Variants in SLC25A13 observed in about 807,000 individuals in gnomAD.
SLC25A13 encodes electrogenic aspartate/glutamate antiporter SLC25A13, mitochondrial.
Under a neutral mutation model 85.5 loss-of-function variants are expected in SLC25A13, and 70 were observed. The ratio of observed to expected loss-of-function variants is 0.82; its 90% confidence interval spans 0.68 to 1.00. The LOEUF is 1.00. Among genes scored for constraint, SLC25A13 ranks in the 50% least tolerant of loss-of-function variants. The pLI is 0.00. For missense variants in SLC25A13, 765 were observed against 819.8 expected (o/e 0.93, Z 0.82); for synonymous variants, 259 against 288.7 (o/e 0.90, Z 1.04).
At chr7:96,173,880 CAGG>C (rs1271707068) in intron 11 of SLC25A13, among the ~76,000 whole-genome samples, 2 of 152,168 alleles carry the variant, frequency 1.3e-5, no homozygotes, top group Non-Finnish European at 2.9e-5. Context: ...ATGCCTTCTC[CAGG>C]AGGATGACTG....
At chr7:96,158,954 T>C (rs932662877) in intron 13 of SLC25A13, among the ~76,000 whole-genome samples, 1 of 152,230 alleles carries the variant, frequency 6.6e-6, no homozygotes, top group Non-Finnish European at 1.5e-5. Context: ...ACTATTATTG[T>C]ATGCAGAGCT....
intron 5 of SLC25A13, among the ~76,000 whole-genome samples, chr7:96,196,250 C>T (rs1232919530): frequency 6.6e-6 from 1 of 152,188 alleles, no homozygotes; most frequent in Non-Finnish European, 1.5e-5. Flanking sequence ...TGAACAGTCT[C>T]CTTTGAATTA....
rs1794836508 is a variant in SLC25A13, at chr7:96,191,238, C to A, written c.625G>T (p.Gly209Cys). Residue 209 changes from glycine to cysteine, a missense_variant, in exon 7 of 18, where the codon GGT becomes TGT. By Grantham distance (159) the Gly-to-Cys change is radical. Coordinates refer to ENST00000265631, the MANE Select transcript of SLC25A13 (RefSeq NM_014251.3). ...AAACTAACTTGATGGGATGTGGTAC[C>A]TCCAGCAGCCTCAAATAAATTGAAA... The part of the protein sequence containing the change: ...VEECLVAAAG[G>C]TTSHQVSFSY... The A allele has an allele frequency of 6.2e-7, 1 of 1,613,724 alleles. No individual in the cohort carries two copies. Among genetic ancestry groups the A allele is most frequent in the Non-Finnish European group, 8.5e-7 (1 of 1,179,902 alleles).
chr7:96,181,160 C>T (rs1051945690), intron 11 of SLC25A13, among the ~76,000 whole-genome samples: 3 of 152,212 alleles, frequency 2.0e-5, no homozygotes, highest in African/African-American at 7.2e-5. Flanking sequence ...GAGCCAGACT[C>T]ATGGGATTTT....
chr7:96,189,246 A>G, intron 9 of SLC25A13, 48 bp downstream of exon 9: 2 of 1,524,188 alleles, frequency 1.3e-6, no homozygotes, highest in East Asian at 2.3e-5. Flanking sequence ...GGGTTGGGGT[A>G]TCCTGCTAAG....
At chr7:96,230,945 C>G (rs527274843) in intron 4 of SLC25A13, among the ~76,000 whole-genome samples, 1 of 152,234 alleles carries the variant, frequency 6.6e-6, no homozygotes, top group African/African-American at 2.4e-5. Flanking sequence ...CCTGTCTCTA[C>G]TGAAAAATAC....
chr7:96,132,422 A>G (rs1214413969), intron 14 of SLC25A13, among the ~76,000 whole-genome samples: 1 of 152,214 alleles, frequency 6.6e-6, no homozygotes, highest in Non-Finnish European at 1.5e-5. Context: ...TAATTTTATT[A>G]TATACTTACT....
intron 5 of SLC25A13, among the ~76,000 whole-genome samples, chr7:96,208,427 A>G (rs1374346095): frequency 6.6e-6 from 1 of 152,170 alleles, no homozygotes; most frequent in African/African-American, 2.4e-5. Flanking sequence ...AGTATGTAGT[A>G]AGTAAATCAC....
intron 4 of SLC25A13, among the ~76,000 whole-genome samples, chr7:96,217,841 TA>T (rs1188613212): frequency 3.4e-5 from 5 of 148,168 alleles, no homozygotes; most frequent in Non-Finnish European, 5.9e-5. Context: ...GTGAATATAT[TA>T]AAAACCATTG....
intron 1 of SLC25A13, among the ~76,000 whole-genome samples, chr7:96,316,862 T>A (rs1800145058): frequency 6.6e-6 from 1 of 152,160 alleles, no homozygotes; most frequent in African/African-American, 2.4e-5. Flanking sequence ...TCCACCACAC[T>A]AAACTACCAG....
At chr7:96,257,504 G>A (rs915121042) in intron 3 of SLC25A13, among the ~76,000 whole-genome samples, 4 of 152,246 alleles carry the variant, frequency 2.6e-5, no homozygotes, top group African/African-American at 9.6e-5. Context: ...ATCCTCCCAA[G>A]ACTAAATTAG....
chr7:96,310,903 T>G (rs1799924551), intron 1 of SLC25A13, among the ~76,000 whole-genome samples: 2 of 152,314 alleles, frequency 1.3e-5, no homozygotes, highest in South Asian at 4.1e-4. Flanking sequence ...AGTTTACCAT[T>G]GTAACCATTT....
At chr7:96,299,155 G>T (rs1201236412) in intron 1 of SLC25A13, among the ~76,000 whole-genome samples, 1 of 152,164 alleles carries the variant, frequency 6.6e-6, no homozygotes, top group African/African-American at 2.4e-5. Flanking sequence ...GTAAGGTCTT[G>T]CCTGGGCAAT....
chr7:96,296,902 A>C lies in SLC25A13; in HGVS notation c.65T>G (p.Leu22Trp). 6.2e-7 allele frequency: 1 copy of C among 1,613,148 alleles called. No homozygotes were observed. The highest frequency in any genetic ancestry group is 8.5e-7 in the Non-Finnish European group (1 of 1,179,174). The change falls in exon 2 of 18, where the codon TTG (leucine) becomes TGG (tryptophan). Residue 22 changes from leucine to tryptophan, a missense_variant. Coordinates refer to ENST00000265631, the MANE Select transcript of SLC25A13 (RefSeq NM_014251.3). Reference sequence around the variant, plus strand: ...AATAGATTCCTTTATACTGACCTTCAAAAATATTGTTCTAAGCTCAGCTGG... The same window carrying C: ...AATAGATTCCTTTATACTGACCTTCCAAAATATTGTTCTAAGCTCAGCTGG... ...ADPAELRTIF[L>W]KYASIEKNGE...
Position 96,121,756 on chromosome 7 carries a change from A to C in SLC25A13, c.1751-11T>G, listed in dbSNP as rs1562774374. 1 of 1,614,148 alleles carries C rather than the reference A, an allele frequency of 6.2e-7. No homozygotes were observed. Among genetic ancestry groups the C allele is most frequent in the Non-Finnish European group, 8.5e-7 (1 of 1,179,980 alleles). ...ATCGAAATACACGAGCTTTAAAAAAATGGAGAAATCACAGATATAATTAGA... is the reference window on the plus strand; with the variant it reads ...ATCGAAATACACGAGCTTTAAAAAACTGGAGAAATCACAGATATAATTAGA... On this transcript the variant is annotated splice_polypyrimidine_tract_variant and intron_variant, in intron 16 of 17. Transcript: ENST00000265631.
intron 1 of SLC25A13, among the ~76,000 whole-genome samples, chr7:96,320,250 G>A (rs933168303): frequency 6.6e-6 from 1 of 152,038 alleles, no homozygotes; most frequent in Non-Finnish European, 1.5e-5. Context: ...CAACTGACCC[G>A]CCCGCCCCAG....
intron 3 of SLC25A13, among the ~76,000 whole-genome samples, chr7:96,256,356 TA>T (rs1196801120): frequency 6.6e-6 from 1 of 151,602 alleles, no homozygotes. Flanking sequence ...AGGCTCAAAA[TA>T]AAGGGATGGA....
chr7:96,146,600 C>T lies in SLC25A13; in HGVS notation c.1408G>A (p.Ala470Thr), dbSNP rs746775592. The T allele has an allele frequency of 6.2e-7, 1 of 1,613,640 alleles. No individual in the cohort carries two copies. Among genetic ancestry groups the T allele is most frequent in the African/African-American group, 1.3e-5 (1 of 74,886 alleles). ...CCCAGGTCCCGCACGACAGACAGAG[C>T]ACTGACTCGAGGACCAGTGGTGATT... is the stretch of plus-strand genomic sequence containing the variant. ...GEITTGPRVS[A>T]LSVVRDLGFF... Residue 470 changes from alanine to threonine, a missense_variant, in exon 14 of 18, where the codon GCT becomes ACT. Transcript: ENST00000265631.
chr7:96,295,965 T>G (rs1290506642), intron 2 of SLC25A13, among the ~76,000 whole-genome samples: 1 of 152,080 alleles, frequency 6.6e-6, no homozygotes, highest in Non-Finnish European at 1.5e-5. Context: ...TAATTTCAGC[T>G]GAATAACATA....
Sources: gnomAD v4.1 joint callset for allele counts (sites outside exome capture counted in the v4.1 genomes callset) on GRCh38, gnomAD v4.1.1 for gene constraint, MANE v1.5 for transcripts, NCBI Gene and HGNC (gene_info 2026-07-23, HGNC 2026-07-21) for gene names.